The following GLRX3 variants were observed in gnomAD, a reference collection of about 807,000 sequenced individuals.
The protein encoded by GLRX3 is glutaredoxin-3.
GLRX3 carries 22 observed loss-of-function variants against 49.5 expected under a neutral mutation model. The observed-to-expected ratio is 0.44, with a 90% CI of 0.32 to 0.63. GLRX3 has a LOEUF of 0.63. Among genes scored for constraint, GLRX3 ranks in the 30% least tolerant of loss-of-function variants. GLRX3 has a pLI of 0.05. For synonymous variants in GLRX3, 133 were observed against 140.0 expected (o/e 0.95, Z 0.35); for missense variants, 385 against 396.3 (o/e 0.97, Z 0.24).
At chr10:130,178,228 T>C (rs904408603) in intron 10 of GLRX3, among the ~76,000 whole-genome samples, 16 of 152,128 alleles carry the variant, frequency 1.1e-4, no homozygotes, top group African/African-American at 3.9e-4. Context: ...TGAGTAGACT[T>C]TTAACGTCAC....
intron 1 of GLRX3, among the ~76,000 whole-genome samples, chr10:130,139,394 C>T (rs2134866465): frequency 6.6e-6 from 1 of 151,990 alleles, no homozygotes; most frequent in African/African-American, 2.4e-5. Flanking sequence ...AATCCCAGCA[C>T]TTTGGGAGGC....
At chr10:130,171,145 T>TAAATA (rs1002711519) in intron 7 of GLRX3, among the ~76,000 whole-genome samples, 2 of 151,150 alleles carry the variant, frequency 1.3e-5, no homozygotes, top group African/African-American at 4.9e-5. Flanking sequence ...AATAAATAAA[T>TAAATA]AAATAAAATA....
chr10:130,160,953 C>T lies in GLRX3; in HGVS notation c.434C>T (p.Pro145Leu), dbSNP rs765941031. 10 of 1,613,560 alleles carry T rather than the reference C, an allele frequency of 6.2e-6. No homozygotes were observed. The highest frequency in any genetic ancestry group is 7.6e-6 in the Non-Finnish European group (9 of 1,179,820). Residue 145 changes from proline (P) to leucine (L), a missense_variant, in exon 4 of 11, where the codon CCC (proline) becomes CTC (leucine). By Grantham distance (98) the Pro-to-Leu change is moderately conservative. Around this residue, in one of 2 missense-constraint regions of GLRX3, gnomAD observed 374 missense variants for 358.6 expected, o/e 1.04. Coordinates refer to ENST00000331244, the MANE Select transcript of GLRX3 (RefSeq NM_006541.5). The part of the protein sequence containing the change: ...LRLKKLTHAA[P>L]CMLFMKGTPQ... ...TTGAAGAAATTGACTCATGCTGCCCCCTGCATGCTGTTTATGAAAGGAACT... is the reference window on the plus strand; with the variant it reads ...TTGAAGAAATTGACTCATGCTGCCCTCTGCATGCTGTTTATGAAAGGAACT...
intron 2 of GLRX3, among the ~76,000 whole-genome samples, chr10:130,154,965 A>G (rs1231457705): frequency 6.6e-6 from 1 of 152,142 alleles, no homozygotes; most frequent in Non-Finnish European, 1.5e-5. Context: ...TATCTAAGGA[A>G]GAGAGATCTT....
At chr10:130,177,093 C>T (rs904087522) in intron 10 of GLRX3, among the ~76,000 whole-genome samples, 2 of 152,138 alleles carry the variant, frequency 1.3e-5, no homozygotes, top group African/African-American at 2.4e-5. Context: ...ATAGATCTTA[C>T]GATCCCATTT....
downstream of GLRX3, among the ~76,000 whole-genome samples, chr10:130,179,849 C>G (rs770152019): frequency 2.6e-5 from 4 of 152,132 alleles, no homozygotes; most frequent in South Asian, 2.1e-4. Context: ...GGAAAAACAA[C>G]GGAAATTAGT....
intron 2 of GLRX3, among the ~76,000 whole-genome samples, chr10:130,159,328 G>T (rs1174665522): frequency 6.6e-6 from 1 of 152,136 alleles, no homozygotes. Flanking sequence ...TCATGCATCA[G>T]ATATCACATC....
intron 2 of GLRX3, among the ~76,000 whole-genome samples, chr10:130,157,217 A>G (rs1210263359): frequency 1.3e-5 from 2 of 151,980 alleles, no homozygotes; most frequent in Non-Finnish European, 2.9e-5. Context: ...GCTCAGTCCA[A>G]GTCTGAAGGC....
intron 2 of GLRX3, among the ~76,000 whole-genome samples, chr10:130,150,783 C>G (rs1270784476): frequency 6.6e-6 from 1 of 152,100 alleles, no homozygotes; most frequent in Non-Finnish European, 1.5e-5. Flanking sequence ...GCTGTATAAC[C>G]AGGTGCATGC....
chr10:130,143,948 C>T (rs1015886578), intron 1 of GLRX3, among the ~76,000 whole-genome samples: 6 of 152,126 alleles, frequency 3.9e-5, no homozygotes, highest in African/African-American at 1.4e-4. Flanking sequence ...ATCTGCCTGC[C>T]TCGGCCTCCC....
rs371772527 is a variant in GLRX3, at chr10:130,171,121, A to AAAATAAATAAAT, written c.772-443_772-432dup. 1.2e-3 allele frequency among the ~76,000 whole-genome samples: 183 copies of AAAATAAATAAAT among 151,370 alleles called. 2 individuals carry two copies. The highest frequency in any genetic ancestry group is 4.2e-3 in the African/African-American group (172 of 41,196). ...GGGACAGAGTGAGACTCTGTCTCAAAAAATAAATAAATAAATAAATAAATA... is the reference window on the plus strand; with the variant it reads ...GGGACAGAGTGAGACTCTGTCTCAAAAAATAAATAAATAAATAAATAAATAAATAAATAAATA... On this transcript the variant is annotated intron_variant, in intron 7 of 10. Coordinates refer to ENST00000331244, the MANE Select transcript of GLRX3 (RefSeq NM_006541.5).
chr10:130,147,272 A>G (rs1304388334), intron 2 of GLRX3, among the ~76,000 whole-genome samples: 2 of 152,232 alleles, frequency 1.3e-5, no homozygotes, highest in Non-Finnish European at 2.9e-5. Context: ...TTTCAATCAT[A>G]AGATTAATCA....
In GLRX3 at chr10:130,179,430, A is replaced by G; in HGVS notation, c.*38A>G. ...TTGGTGCCCAACTATTGTAAGAAAT[A>G]TTTAATTACATTGGGAGCAGTTCAT... On this transcript the variant is annotated 3_prime_UTR_variant, in exon 11 of 11. Transcript: ENST00000331244. 1 of 1,054,820 alleles carries G rather than the reference A, an allele frequency of 9.5e-7. No individual in the cohort carries two copies. Among genetic ancestry groups the G allele is most frequent in the Admixed American group, 2.0e-5 (1 of 50,480 alleles). The allele number at this position is 1,054,820 out of a possible 1,614,324, so 65.3% of individuals were successfully genotyped here.
intron 2 of GLRX3, among the ~76,000 whole-genome samples, chr10:130,149,660 A>G (rs567485134): frequency 6.6e-6 from 1 of 152,022 alleles, no homozygotes; most frequent in Non-Finnish European, 1.5e-5. Context: ...GGTATCTGGC[A>G]GAGGGGGGTG....
chr10:130,140,064 T>G (rs1158749734), intron 1 of GLRX3, among the ~76,000 whole-genome samples: 1 of 152,274 alleles, frequency 6.6e-6, no homozygotes, highest in Middle Eastern at 3.2e-3. Context: ...TTGAATCAGA[T>G]ATTTACATAA....
At chr10:130,146,315 A>C (rs1300806323) in intron 2 of GLRX3, among the ~76,000 whole-genome samples, 1 of 152,256 alleles carries the variant, frequency 6.6e-6, no homozygotes, top group Non-Finnish European at 1.5e-5. Flanking sequence ...GCTAGGGACC[A>C]GGGAACAGGA....
At chr10:130,173,895 C>T (rs775198489) in intron 8 of GLRX3, among the ~76,000 whole-genome samples, 2 of 152,076 alleles carry the variant, frequency 1.3e-5, no homozygotes, top group Admixed American at 6.5e-5. Context: ...ACTAAATAAA[C>T]AAGATTTCCC....
rs965815077 is a variant in GLRX3 at position 130,145,238 on chromosome 10, A to G, written c.120A>G (p.Ala40=). Residue 40 remains alanine, a synonymous_variant, in exon 2 of 11, where the codon GCA becomes GCG. Coordinates refer to ENST00000331244, the MANE Select transcript of GLRX3 (RefSeq NM_006541.5). ...CCCTCCTTGTGGTCCATTTCTGGGC[A>G]CCATGGGCTCCACAGTGTGCACAGA... ...AKSLLVVHFW[A]PWAPQCAQMN... 5.9e-6 allele frequency: 9 copies of G among 1,519,660 alleles called. No homozygotes were observed. The African/African-American group carries it at 1.2e-4, about 21-fold the overall frequency. The allele number at this position is 1,519,660 out of a possible 1,614,324, so 94.1% of individuals were successfully genotyped here. A position where few individuals can be genotyped will look rare whatever the true frequency, so the allele number is the denominator to read the frequency against.
At chr10:130,179,256 A>T in intron 10 of GLRX3, 86 bp from the exon 11 acceptor site, 1 of 686,862 alleles carries the variant, frequency 1.5e-6, no homozygotes, top group Non-Finnish European at 2.5e-6. Context: ...TGGTTCTCAG[A>T]TATACATACA....
Sources: gnomAD v4.1 joint callset for allele counts (sites outside exome capture counted in the v4.1 genomes callset) on GRCh38, gnomAD v4.1.1 for gene constraint, gnomAD v4.1.1 regional missense constraint, MANE v1.5 for transcripts, NCBI Gene and HGNC (gene_info 2026-07-23, HGNC 2026-07-21) for gene names.